Variants in CIROZ observed in about 807,000 individuals in gnomAD.
CIROZ encodes the protein ciliated left-right organizer protein containing ZP-N domains.
the CIROZ span, chr1:10,976,338 T>C: frequency 4.7e-5 from 12 of 255,704 alleles, no homozygotes; most frequent in African/African-American, 7.6e-5. Flanking sequence ...ATTATATTTC[T>C]TTTTTTTTTT....
At chr1:10,949,651 C>A in the CIROZ span, 1 of 1,606,678 alleles carries the variant, frequency 6.2e-7, no homozygotes, top group Non-Finnish European at 8.5e-7. Flanking sequence ...AAGGCCGGTG[C>A]AGGAGGTCCC....
At chr1:10,962,173 T>C in the CIROZ span, among the ~76,000 whole-genome samples, 25 of 151,822 alleles carry the variant, frequency 1.6e-4, no homozygotes. Flanking sequence ...TGACCGGGCG[T>C]GGTGGCTCAC....
the CIROZ span, chr1:10,947,566 G>T: frequency 9.3e-7 from 1 of 1,069,548 alleles, no homozygotes; most frequent in Non-Finnish European, 1.3e-6. Flanking sequence ...ACGGCCCCCA[G>T]CCCCCACCTC....
the CIROZ span, among the ~76,000 whole-genome samples, chr1:10,979,546 A>G: frequency 6.7e-4 from 102 of 151,976 alleles, no homozygotes; most frequent in African/African-American, 2.3e-3. Flanking sequence ...AGAATCTACT[A>G]AGACTGAACA....
the CIROZ span, among the ~76,000 whole-genome samples, chr1:10,969,043 C>G: frequency 2.0e-5 from 3 of 152,126 alleles, no homozygotes; most frequent in Non-Finnish European, 4.4e-5. Flanking sequence ...CAAGGCGTCC[C>G]GGGCTGGCTG....
the CIROZ span, among the ~76,000 whole-genome samples, chr1:10,959,247 G>A: frequency 1.4e-3 from 213 of 152,244 alleles, no homozygotes; most frequent in Middle Eastern, 6.8e-3. The surrounding 1 kb of genome is among the most constrained non-coding windows in gnomAD (Gnocchi z 4.3). Context: ...CAACCATCCC[G>A]GTTCCCCAGC....
At chr1:10,976,737 G>A in the CIROZ span, among the ~76,000 whole-genome samples, 2 of 149,070 alleles carry the variant, frequency 1.3e-5, no homozygotes, top group African/African-American at 4.9e-5. Flanking sequence ...AGAAATAGAA[G>A]AACAAAATAA....
the CIROZ span, among the ~76,000 whole-genome samples, chr1:10,975,118 A>G: frequency 6.6e-6 from 1 of 152,098 alleles, no homozygotes; most frequent in African/African-American, 2.4e-5. Flanking sequence ...CTAAAAATAC[A>G]AAAATTGGGC....
the CIROZ span, among the ~76,000 whole-genome samples, chr1:10,973,956 A>AT: frequency 7.4e-6 from 1 of 134,232 alleles, no homozygotes; most frequent in Non-Finnish European, 1.7e-5. Context: ...CCCAGGAAGG[A>AT]CCCCCCCCAC....
the CIROZ span, among the ~76,000 whole-genome samples, chr1:10,977,631 A>T: frequency 6.6e-6 from 1 of 152,210 alleles, no homozygotes; most frequent in African/African-American, 2.4e-5. Flanking sequence ...AATAGACACC[A>T]AACTGGCTTC....
At chr1:10,957,239 A>C in the CIROZ span, 2 of 703,284 alleles carry the variant, frequency 2.8e-6, no homozygotes, top group South Asian at 4.1e-5. Flanking sequence ...TACAAAGCCC[A>C]GGTCAGGGAT....
At chr1:10,961,238 C>T in the CIROZ span, among the ~76,000 whole-genome samples, 1 of 152,176 alleles carries the variant, frequency 6.6e-6, no homozygotes, top group Non-Finnish European at 1.5e-5. Context: ...CAGTAACCAG[C>T]CCCGGGATGT....
chr1:10,966,466 A>G, the CIROZ span: 15 of 1,534,872 alleles, frequency 9.8e-6, no homozygotes, highest in Admixed American at 2.0e-4. Flanking sequence ...CCAGGTGGTC[A>G]GGGGACCTCC....
the CIROZ span, chr1:10,957,635 C>T: frequency 6.2e-7 from 1 of 1,614,156 alleles, no homozygotes; most frequent in Admixed American, 1.7e-5. Context: ...CTGAAGAAGG[C>T]CTTGTCTCGG....
the CIROZ span, among the ~76,000 whole-genome samples, chr1:10,957,358 G>T: frequency 9.4e-4 from 143 of 152,360 alleles, 1 homozygote; most frequent in Non-Finnish European, 1.7e-3. Context: ...AGCAACTTTG[G>T]GCTATTTAAA....
chr1:10,958,284 G>A, the CIROZ span, among the ~76,000 whole-genome samples: 19 of 152,342 alleles, frequency 1.2e-4, no homozygotes, highest in Admixed American at 5.2e-4. Context: ...AAATGGAGAA[G>A]AGGGACTGGA....
At chr1:10,967,263 C>T in the CIROZ span, among the ~76,000 whole-genome samples, 19 of 152,148 alleles carry the variant, frequency 1.2e-4, no homozygotes, top group Non-Finnish European at 2.6e-4. Context: ...TCTTCCCCTC[C>T]CTCCCTCTGC....
chr1:10,979,578 C>T, the CIROZ span, among the ~76,000 whole-genome samples: 4 of 151,950 alleles, frequency 2.6e-5, no homozygotes, highest in Non-Finnish European at 4.4e-5. Flanking sequence ...TTCGACCCAG[C>T]GCTTCCTCTC....
chr1:10,953,629 T>C, the CIROZ span, among the ~76,000 whole-genome samples: 2 of 152,184 alleles, frequency 1.3e-5, no homozygotes, highest in Non-Finnish European at 2.9e-5. Context: ...TTCTAAGCCA[T>C]TGATTCCCCT....
Sources: gnomAD v4.1 joint callset for allele counts (sites outside exome capture counted in the v4.1 genomes callset) on GRCh38, gnomAD v4.1.1 for gene constraint, Gnocchi (gnomAD v3.1) non-coding constraint, MANE v1.5 for transcripts, NCBI Gene and HGNC (gene_info 2026-07-23, HGNC 2026-07-21) for gene names.